The following RELB variants were observed in gnomAD, a reference collection of about 807,000 sequenced individuals.
The protein encoded by RELB is RELB proto-oncogene, NF-kB subunit, also known as transcription factor RelB.
RELB carries 14 observed loss-of-function variants against 55.4 expected under a neutral mutation model. The observed-to-expected ratio is 0.25, with a 90% CI of 0.17 to 0.40. RELB has a LOEUF of 0.40. RELB is among the 10% of genes least tolerant of loss of function. The pLI, the probability that RELB is intolerant of heterozygous loss-of-function variation, is 1.00. For missense variants in RELB, 669 were observed against 830.7 expected, an observed-to-expected ratio of 0.81 and a Z score of 2.39; for synonymous variants, 409 against 371.3, an observed-to-expected ratio of 1.10 and a Z score of -1.17.
Position 45,037,530 on chromosome 19 carries a change from A to G in RELB, c.1480A>G (p.Thr494Ala). The change falls in exon 12 of 12, where the codon ACG becomes GCG. Residue 494 changes from threonine (T) to alanine (A), a missense_variant. Physicochemically the swap from Thr to Ala is moderately conservative, Grantham distance 58. Transcript: ENST00000221452. ...LLDDGFAYDP[T>A]APTLFTMLDL... ...GGACGATGGCTTTGCCTACGACCCT[A>G]CGGCCCCCACACTCTTCACCATGCT... 6.2e-7 allele frequency: 1 copy of G among 1,613,178 alleles called. No individual in the cohort carries two copies. The highest frequency in any genetic ancestry group is 1.7e-5 in the Admixed American group (1 of 59,968).
intron 5 of RELB, among the ~76,000 whole-genome samples, chr19:45,023,369 A>C (rs1971512342): frequency 6.7e-6 from 1 of 149,490 alleles, no homozygotes; most frequent in Non-Finnish European, 1.5e-5. Context: ...AGGCATCTTC[A>C]TTGGTGTTTA....
At position 45,025,436 on chromosome 19, in the gene RELB, C is replaced by G. The variant is rs764300726; in HGVS notation, c.754+16C>G. The G allele has an allele frequency of 6.2e-7, 1 of 1,603,690 alleles. No homozygotes were observed. The highest frequency in any genetic ancestry group is 1.7e-5 in the Admixed American group (1 of 58,514). On this transcript the variant is annotated intron_variant, in intron 6 of 11. Coordinates refer to ENST00000221452, the MANE Select transcript of RELB (RefSeq NM_006509.4). ...CCCTACAACGGTGAGCACCCCCTGCCTGACCTGACCATCCCGTCCTCCCAA... is the reference window on the plus strand; with the variant it reads ...CCCTACAACGGTGAGCACCCCCTGCGTGACCTGACCATCCCGTCCTCCCAA...
At chr19:45,019,124 G>C (rs1447732661) in intron 4 of RELB, among the ~76,000 whole-genome samples, 1 of 152,014 alleles carries the variant, frequency 6.6e-6, no homozygotes, top group African/African-American at 2.4e-5. Flanking sequence ...ATACAGTGAC[G>C]CCATCACAGC....
At chr19:45,015,871 C>T (rs902284894) in intron 4 of RELB, among the ~76,000 whole-genome samples, 20 of 152,132 alleles carry the variant, frequency 1.3e-4, no homozygotes, top group African/African-American at 4.6e-4. Context: ...TTTTCAGAAT[C>T]TCCTACTATT....
chr19:45,027,275 G>A (rs1214665977), intron 7 of RELB, among the ~76,000 whole-genome samples: 2 of 151,932 alleles, frequency 1.3e-5, no homozygotes, highest in African/African-American at 4.8e-5. Context: ...GGCTTAAGGG[G>A]GAAAAAAGAG....
chr19:45,022,249 A>C, intron 5 of RELB, 39 bp downstream of exon 5: 2 of 1,497,710 alleles, frequency 1.3e-6, no homozygotes, highest in South Asian at 1.2e-5. Context: ...ATCCTTGATC[A>C]TGGAGATTCT....
intron 4 of RELB, 105 bp from the exon 5 acceptor site, chr19:45,021,948 C>G: frequency 8.6e-7 from 1 of 1,156,388 alleles, no homozygotes; most frequent in East Asian, 2.7e-5. Context: ...AACAGAGGAC[C>G]CTAGTGGGGA....
chr19:45,023,124 C>T (rs990522080), intron 5 of RELB, among the ~76,000 whole-genome samples: 3 of 152,032 alleles, frequency 2.0e-5, no homozygotes, highest in African/African-American at 7.2e-5. Context: ...ATATAAGTTC[C>T]GAGAGCAGAG....
At chr19:45,032,827 G>A (rs1353007278) in intron 9 of RELB, 78 bp downstream of exon 9, 6 of 1,166,644 alleles carry the variant, frequency 5.1e-6, no homozygotes, top group Non-Finnish European at 7.3e-6. Context: ...GTGGGGATGG[G>A]AAAGAGGCAG....
intron 11 of RELB, 82 bp downstream of exon 11, chr19:45,034,610 G>A (rs910836731): frequency 2.3e-5 from 28 of 1,224,632 alleles, no homozygotes; most frequent in East Asian, 5.1e-5. Flanking sequence ...GCCTCTTCAC[G>A]CCCTCCAAGA....
intron 7 of RELB, 87 bp downstream of exon 7, chr19:45,025,824 C>G (rs967342200): frequency 1.4e-5 from 21 of 1,532,264 alleles, no homozygotes; most frequent in Non-Finnish European, 1.6e-5. Context: ...ATGGCTCAGG[C>G]GCTGTGGCTC....
chr19:45,009,401 A>G (rs889255764), intron 2 of RELB, among the ~76,000 whole-genome samples: 1 of 152,040 alleles, frequency 6.6e-6, no homozygotes, highest in African/African-American at 2.4e-5. Flanking sequence ...ATCTTTAAAC[A>G]CCAGCCAGTG....
chr19:45,025,841 G>C, intron 7 of RELB, 104 bp downstream of exon 7: 2 of 1,433,310 alleles, frequency 1.4e-6, no homozygotes, highest in Non-Finnish European at 1.9e-6. Flanking sequence ...GCTCACGCCT[G>C]TAATCCCAAC....
At chr19:45,023,001 C>T (rs1422758181) in intron 5 of RELB, among the ~76,000 whole-genome samples, 1 of 152,152 alleles carries the variant, frequency 6.6e-6, no homozygotes, top group Non-Finnish European at 1.5e-5. Flanking sequence ...CACTGTGTTA[C>T]ACTGACTTTG....
intron 11 of RELB, among the ~76,000 whole-genome samples, 199 bp from the exon 12 acceptor site, chr19:45,037,206 G>A (rs1024438928): frequency 1.3e-5 from 2 of 151,790 alleles, no homozygotes; most frequent in East Asian, 3.9e-4. Context: ...AACTTGAACT[G>A]GGGAGGCAGA....
At chr19:45,034,182 A>G in intron 9 of RELB, 62 bp from the exon 10 acceptor site, 1 of 1,196,878 alleles carries the variant, frequency 8.4e-7, no homozygotes. Context: ...AAATAAATAA[A>G]TAAAGGAATT....
chr19:45,004,291 C>T (rs1369846795), intron 2 of RELB, among the ~76,000 whole-genome samples: 7 of 143,216 alleles, frequency 4.9e-5, no homozygotes, highest in African/African-American at 7.8e-5. Context: ...GGCGCGATCT[C>T]GGCTCACTGC....
chr19:45,006,408 TGGCCAGGC>T (rs1159063285), intron 2 of RELB, among the ~76,000 whole-genome samples: 1 of 151,896 alleles, frequency 6.6e-6, no homozygotes, highest in African/African-American at 2.4e-5. Context: ...TTCACCACGT[TGGCCAGGC>T]TTGTCTCAAA....
At position 45,032,715 on chromosome 19, in the gene RELB, G is replaced by A. The variant is rs1338635714; in HGVS notation, c.1173G>A (p.Glu391=). ...LQRLTDGVCS[E]PLPFTYLPRD... ...GGCTCACCGATGGGGTCTGCAGCGA[G>A]CCATTGCCTTTCACGTACCTGCCTC... Residue 391 remains glutamate, a synonymous_variant, in exon 9 of 12, where the codon GAG becomes GAA. Coordinates refer to ENST00000221452, the MANE Select transcript of RELB (RefSeq NM_006509.4). 3 of 1,609,500 alleles carry A rather than the reference G, an allele frequency of 1.9e-6. No homozygotes were observed. Among genetic ancestry groups the A allele is most frequent in the South Asian group, 2.2e-5 (2 of 90,304 alleles).
Sources: gnomAD v4.1 joint callset for allele counts (sites outside exome capture counted in the v4.1 genomes callset) on GRCh38, gnomAD v4.1.1 for gene constraint, MANE v1.5 for transcripts, NCBI Gene and HGNC (gene_info 2026-07-23, HGNC 2026-07-21) for gene names.